The following LIG3 variants were observed in gnomAD, a reference collection of about 807,000 sequenced individuals.
LIG3 encodes ligase II, DNA, ATP-dependent.
Under a neutral mutation model 110.9 loss-of-function variants are expected in LIG3, and 58 were observed. The observed-to-expected ratio is 0.52, with a 90% CI of 0.42 to 0.65. LIG3 has a LOEUF of 0.65. LIG3 is among the 30% of genes least tolerant of loss of function. The pLI is 0.00. For missense variants in LIG3, 1,094 were observed against 1,273.8 expected (o/e 0.86, Z 2.15); for synonymous variants, 422 against 472.8 (o/e 0.89, Z 1.39).
Position 35,007,209 on chromosome 17 carries a change from TCA to T in LIG3, c.*2706_*2707del, listed in dbSNP as rs2090901532. On this transcript the variant is annotated 3_prime_UTR_variant, in exon 20 of 20. Coordinates refer to ENST00000378526, the MANE Select transcript of LIG3 (RefSeq NM_013975.4). Reference sequence around the variant, plus strand: ...GGTTGCTTACACCCAGAGTGCACACTCACAGGAAAGGGCCTCTGCTGGCTGCA... The same window carrying T: ...GGTTGCTTACACCCAGAGTGCACACTCAGGAAAGGGCCTCTGCTGGCTGCA... 1 of 152,258 alleles carries T rather than the reference TCA, an allele frequency of 6.6e-6. No individual in the cohort carries two copies. The highest frequency in any genetic ancestry group is 2.4e-5 in the African/African-American group (1 of 41,442). 9.4% of individuals were successfully genotyped at this position (152,258 alleles called of 1,614,324 possible).
chr17:34,987,198 TG>T, intron 3 of LIG3, among the ~76,000 whole-genome samples: 1 of 152,372 alleles, frequency 6.6e-6, no homozygotes, highest in East Asian at 1.9e-4. Context: ...AAGACTTTGC[TG>T]GGGCATGTGG....
intron 16 of LIG3, among the ~76,000 whole-genome samples, chr17:35,000,734 G>A (rs2090832241): frequency 6.7e-6 from 1 of 148,628 alleles, no homozygotes; most frequent in Non-Finnish European, 1.5e-5. Flanking sequence ...TCTCACCTCA[G>A]TCTCCCAAGT....
At position 35,001,040 on chromosome 17, in the gene LIG3, G is replaced by A. The variant is rs3136019; in HGVS notation, c.2332-217G>A. Among the ~76,000 whole-genome samples the A allele has an allele frequency of 5.1e-4, 77 of 151,830 alleles. No individual in the cohort carries two copies. The East Asian group carries it at 0.012, about 23-fold the overall frequency. On this transcript the variant is annotated intron_variant, in intron 16 of 19. Coordinates refer to ENST00000378526, the MANE Select transcript of LIG3 (RefSeq NM_013975.4). ...ATACCTCAGCCTTCTGAGTAGCTGGGACTACAGGCGTGCACCACCGTGCCT... is the reference window on the plus strand; with the variant it reads ...ATACCTCAGCCTTCTGAGTAGCTGGAACTACAGGCGTGCACCACCGTGCCT...
chr17:34,989,778 G>A (rs2090698782), intron 4 of LIG3, 115 bp downstream of exon 4: 1 of 912,226 alleles, frequency 1.1e-6, no homozygotes, highest in Non-Finnish European at 1.8e-6. Flanking sequence ...GTTTAATGCT[G>A]TACTGTAGTG....
At chr17:34,995,853 T>C (rs1428241632) in intron 9 of LIG3, among the ~76,000 whole-genome samples, 1 of 152,248 alleles carries the variant, frequency 6.6e-6, no homozygotes. Flanking sequence ...TGGGTTGACC[T>C]CTTCCTGGGC....
In LIG3 at chr17:35,008,496, A is replaced by G. The variant is rs1321975344; in HGVS notation, c.*3990A>G. 2 of 151,332 alleles carry G rather than the reference A, an allele frequency of 1.3e-5. No individual in the cohort carries two copies. Among genetic ancestry groups the G allele is most frequent in the Admixed American group, 1.3e-4 (2 of 15,206 alleles). The allele number at this position is 151,332 out of a possible 1,614,324, so 9.4% of individuals were successfully genotyped here. A position where few individuals can be genotyped will look rare whatever the true frequency, so the allele number is the denominator to read the frequency against. On this transcript the variant is annotated 3_prime_UTR_variant, in exon 20 of 20. Transcript: ENST00000378526. The stretch of plus-strand genomic sequence containing the variant: ...TCACCCTGGCTGGAGTGCGGTGGCG[A>G]TCAGAGCTCACTGCAGCTTCAATCT...
At chr17:34,990,349 A>C (rs1276798533) in intron 4 of LIG3, among the ~76,000 whole-genome samples, 2 of 152,226 alleles carry the variant, frequency 1.3e-5, no homozygotes, top group Non-Finnish European at 2.9e-5. Context: ...GTGCAATCTC[A>C]GCTCACTGCA....
intron 11 of LIG3, chr17:34,997,522 TG>T (rs2090791258): frequency 1.8e-6 from 1 of 540,698 alleles, no homozygotes; most frequent in Non-Finnish European, 3.3e-6. Flanking sequence ...ACTACAACTA[TG>T]AACTGGCTCT....
chr17:35,002,166 G>A, intron 18 of LIG3, 62 bp downstream of exon 18: 1 of 1,396,382 alleles, frequency 7.2e-7, no homozygotes, highest in Non-Finnish European at 9.6e-7. Context: ...AGATCCAAGG[G>A]CAGGGACCCA....
chr17:35,000,327 C>G (rs1346097849), intron 16 of LIG3, among the ~76,000 whole-genome samples: 1 of 152,196 alleles, frequency 6.6e-6, no homozygotes, highest in Non-Finnish European at 1.5e-5. Flanking sequence ...AGCGGGATCT[C>G]AGCTCACCAC....
chr17:35,006,288 A>C lies in LIG3; in HGVS notation c.*1782A>C, dbSNP rs574973271. The C allele has an allele frequency of 6.4e-6, 1 of 155,242 alleles. No homozygotes were observed. The highest frequency in any genetic ancestry group is 1.9e-4 in the East Asian group (1 of 5,262). The allele number at this position is 155,242 out of a possible 1,614,324, so 9.6% of individuals were successfully genotyped here. ...TGAAATGAAGCTGGCACAACTAAGG[A>C]ACTGAAGTTCTTATTTTAATTCAAC... On this transcript the variant is annotated 3_prime_UTR_variant, in exon 20 of 20. Transcript: ENST00000378526.
chr17:34,989,690 C>T, intron 4 of LIG3, 27 bp downstream of exon 4: 4 of 1,609,710 alleles, frequency 2.5e-6, no homozygotes, highest in Non-Finnish European at 3.4e-6. Context: ...CTGAATAGGC[C>T]TTTCCTCCGG....
Position 34,986,039 on chromosome 17 carries a change from C to T in LIG3, c.599C>T (p.Ala200Val). Reference protein sequence around the residue: ...GTPKKKAVVQAKLTTTGQVTS... With the variant: ...GTPKKKAVVQVKLTTTGQVTS... ...CCAAAGAAGAAAGCTGTTGTCCAGG[C>T]TAAGTTGACAACCACTGGCCAGGTG... The change falls in exon 3 of 20, where the codon GCT (alanine) becomes GTT (valine). Residue 200 changes from alanine to valine, a missense_variant. Coordinates refer to ENST00000378526, the MANE Select transcript of LIG3 (RefSeq NM_013975.4). The T allele has an allele frequency of 1.9e-6, 3 of 1,614,060 alleles. No individual in the cohort carries two copies. Among genetic ancestry groups the T allele is most frequent in the Non-Finnish European group, 2.5e-6 (3 of 1,179,918 alleles).
Position 35,004,443 on chromosome 17 carries a change from G to T in LIG3, c.2967G>T (p.Gln989His). The change falls in exon 20 of 20, where the codon CAG (glutamine) becomes CAT (histidine). Residue 989 changes from glutamine (Q) to histidine (H), a missense_variant. Coordinates refer to ENST00000378526, the MANE Select transcript of LIG3 (RefSeq NM_013975.4). ...LGSRDKNPAA[Q>H]QVSPEWIWAC... is the part of the protein sequence containing the mutation. ...GCAGGGACAAGAACCCTGCGGCCCA[G>T]CAGGTCTCCCCAGAGTGGATTTGGG... is the stretch of plus-strand genomic sequence containing the variant. 6.2e-7 allele frequency: 1 copy of T among 1,614,246 alleles called. No homozygotes were observed.
intron 2 of LIG3, among the ~76,000 whole-genome samples, chr17:34,985,473 T>G (rs141377365): frequency 9.8e-5 from 15 of 152,350 alleles, no homozygotes; most frequent in African/African-American, 3.6e-4. Context: ...TTGTTACTTC[T>G]TGACCCATCT....
chr17:34,997,851 G>A lies in LIG3; in HGVS notation c.1911+26G>A. 5 of 1,577,972 alleles carry A rather than the reference G, an allele frequency of 3.2e-6. No homozygotes were observed. The South Asian group carries it at 4.4e-5, about 14-fold the overall frequency. ...GTAAGTGAAGACCCTATGCTAGGCAGTGTCCTAGAAGTTTGAAAGCAGGGC... is the reference window on the plus strand; with the variant it reads ...GTAAGTGAAGACCCTATGCTAGGCAATGTCCTAGAAGTTTGAAAGCAGGGC... On this transcript the variant is annotated intron_variant, in intron 12 of 19. Coordinates refer to ENST00000378526, the MANE Select transcript of LIG3 (RefSeq NM_013975.4).
At position 35,005,235 on chromosome 17, in the gene LIG3, C is replaced by T; in HGVS notation, c.*729C>T. On this transcript the variant is annotated 3_prime_UTR_variant, in exon 20 of 20. Coordinates refer to ENST00000378526, the MANE Select transcript of LIG3 (RefSeq NM_013975.4). Reference sequence around the variant, plus strand: ...GCATCCCCAAAACCTGGAAACAAGACTGTTCTTTAAGAATAAAAATCCACA... The same window carrying T: ...GCATCCCCAAAACCTGGAAACAAGATTGTTCTTTAAGAATAAAAATCCACA... 2.1e-6 allele frequency: 1 copy of T among 472,482 alleles called. No individual in the cohort carries two copies. The highest frequency in any genetic ancestry group is 1.5e-5 in the South Asian group (1 of 65,644). The allele number at this position is 472,482 out of a possible 1,614,324, so 29.3% of individuals were successfully genotyped here.
In LIG3 at chr17:34,983,520, A is replaced by G; in HGVS notation, c.515A>G (p.Asn172Ser). 6.2e-7 allele frequency: 1 copy of G among 1,613,848 alleles called. No individual in the cohort carries two copies. Among genetic ancestry groups the G allele is most frequent in the Non-Finnish European group, 8.5e-7 (1 of 1,179,950 alleles). ...ELEGWEELED[N>S]EKEQITQHIA... ...GAAGGCTGGGAAGAGCTGGAAGATAATGAGAAGGAACAGATAACCCAGCAC... is the reference window on the plus strand; with the variant it reads ...GAAGGCTGGGAAGAGCTGGAAGATAGTGAGAAGGAACAGATAACCCAGCAC... The change falls in exon 2 of 20, where the codon AAT (asparagine) becomes AGT (serine). Residue 172 changes from asparagine to serine, a missense_variant. Asn to Ser is a conservative substitution (Grantham distance 46). Transcript: ENST00000378526.
intron 7 of LIG3, 74 bp downstream of exon 7, chr17:34,992,109 TTTGA>T (rs2090728411): frequency 7.6e-7 from 1 of 1,312,974 alleles, no homozygotes; most frequent in Admixed American, 1.7e-5. Flanking sequence ...TGTCAGGACT[TTTGA>T]GTCCCAGTCA....
Sources: gnomAD v4.1 joint callset for allele counts (sites outside exome capture counted in the v4.1 genomes callset) on GRCh38, gnomAD v4.1.1 for gene constraint, MANE v1.5 for transcripts, NCBI Gene and HGNC (gene_info 2026-07-23, HGNC 2026-07-21) for gene names.